The following RGS7 variants were observed in gnomAD, a reference collection of about 807,000 sequenced individuals.
The protein encoded by RGS7 is regulator of G protein signaling 7.
In RGS7, 27 loss-of-function variants were observed where a neutral mutation model predicts 81.1. That is an observed-to-expected ratio of 0.33 (90% CI 0.25 to 0.46). The LOEUF is 0.46. Ranked by LOEUF, RGS7 falls within the 20% of genes least tolerant of loss-of-function variation. The pLI is 1.00. For synonymous variants in RGS7, 208 were observed against 207.7 expected (o/e 1.00, Z -0.01); for missense variants, 396 against 607.4 (o/e 0.65, Z 3.66).
At chr1:241,330,139 C>T (rs912068110) in intron 2 of RGS7, among the ~76,000 whole-genome samples, 1 of 152,132 alleles carries the variant, frequency 6.6e-6, no homozygotes, top group Non-Finnish European at 1.5e-5. Context: ...CGGGGTTTCA[C>T]TGTGTTAGCC....
intron 9 of RGS7, among the ~76,000 whole-genome samples, chr1:240,828,738 G>C (rs1693294091): frequency 6.6e-6 from 1 of 152,214 alleles, no homozygotes; most frequent in Admixed American, 6.5e-5. Flanking sequence ...AGTGAGCCAA[G>C]ATTGCGCCAA....
At chr1:241,193,309 A>G (rs1459403161) in intron 2 of RGS7, among the ~76,000 whole-genome samples, 1 of 152,174 alleles carries the variant, frequency 6.6e-6, no homozygotes, top group East Asian at 1.9e-4. Context: ...ACTGCTCCTG[A>G]AGATGGTCTT....
intron 3 of RGS7, among the ~76,000 whole-genome samples, chr1:241,075,638 G>A (rs2062753674): frequency 6.6e-6 from 1 of 152,174 alleles, no homozygotes; most frequent in Non-Finnish European, 1.5e-5. Flanking sequence ...TTTTAAGAAA[G>A]TTTACAAATG....
intron 2 of RGS7, among the ~76,000 whole-genome samples, chr1:241,339,753 T>C (rs1228383183): frequency 6.6e-6 from 1 of 152,126 alleles, no homozygotes; most frequent in Non-Finnish European, 1.5e-5. Context: ...TTAAGAGCGC[T>C]TTCTGAATAT....
chr1:241,094,346 C>G (rs1226968570), intron 3 of RGS7, among the ~76,000 whole-genome samples: 1 of 152,010 alleles, frequency 6.6e-6, no homozygotes, highest in Non-Finnish European at 1.5e-5. Flanking sequence ...AGCTGTTAGT[C>G]AAATTCTATA....
intron 15 of RGS7, among the ~76,000 whole-genome samples, chr1:240,805,640 A>AT (rs965309988): frequency 2.4e-4 from 36 of 150,272 alleles, no homozygotes; most frequent in Non-Finnish European, 3.0e-4. Flanking sequence ...CTAATGTTTG[A>AT]TTTTTTTTTT....
intron 2 of RGS7, among the ~76,000 whole-genome samples, chr1:241,354,354 A>G (rs927715630): frequency 2.0e-5 from 3 of 152,218 alleles, no homozygotes; most frequent in African/African-American, 7.2e-5. Context: ...TTCCTGATTT[A>G]TGCAGTTGGA....
At chr1:241,115,541 C>A (rs1227262923) in intron 2 of RGS7, among the ~76,000 whole-genome samples, 2 of 152,128 alleles carry the variant, frequency 1.3e-5, no homozygotes. Context: ...GGGGAAGAAA[C>A]AATTGTCTCC....
intron 2 of RGS7, among the ~76,000 whole-genome samples, chr1:241,349,741 C>G (rs1043287157): frequency 1.3e-5 from 2 of 152,140 alleles, no homozygotes; most frequent in East Asian, 3.9e-4. Context: ...CCATATGCCT[C>G]CTTATCACTG....
At chr1:241,054,321 C>T (rs2061384051) in intron 3 of RGS7, among the ~76,000 whole-genome samples, 3 of 152,212 alleles carry the variant, frequency 2.0e-5, no homozygotes, top group Non-Finnish European at 4.4e-5. Context: ...ATGCAAATCT[C>T]ATAACACAGA....
Position 240,993,310 on chromosome 1 carries a change from T to C in RGS7, c.176-10181A>G, listed in dbSNP as rs543107639. ...GAGAGAGAAAGAAAGAGCCAAACTATTTTCCAGAGGGCCTGAGCCATTTTA... is the reference window on the plus strand; with the variant it reads ...GAGAGAGAAAGAAAGAGCCAAACTACTTTCCAGAGGGCCTGAGCCATTTTA... On this transcript the variant is annotated intron_variant, in intron 3 of 18. Coordinates refer to ENST00000440928, the MANE Select transcript of RGS7 (RefSeq NM_001364886.1). 1.2e-3 allele frequency among the ~76,000 whole-genome samples: 187 copies of C among 152,200 alleles called. 1 individual carries two copies. The highest frequency in any genetic ancestry group is 4.3e-3 in the African/African-American group (178 of 41,566).
intron 2 of RGS7, among the ~76,000 whole-genome samples, chr1:241,131,068 G>A (rs556529396): frequency 1.7e-4 from 26 of 152,000 alleles, no homozygotes; most frequent in Non-Finnish European, 2.6e-4. Flanking sequence ...GAAGAATGAC[G>A]TCTTTATGCC....
chr1:240,860,053 C>A (rs1452481037), intron 9 of RGS7, among the ~76,000 whole-genome samples: 2 of 152,106 alleles, frequency 1.3e-5, no homozygotes, highest in Non-Finnish European at 2.9e-5. Context: ...TCATTTTGGT[C>A]TGAGAACATA....
chr1:241,044,540 A>C (rs929280137), intron 3 of RGS7, among the ~76,000 whole-genome samples: 1 of 151,976 alleles, frequency 6.6e-6, no homozygotes, highest in African/African-American at 2.4e-5. Flanking sequence ...CTCCCATCTC[A>C]TCCTTTTGAG....
chr1:240,956,163 T>C (rs939469915), intron 4 of RGS7, among the ~76,000 whole-genome samples: 1 of 152,180 alleles, frequency 6.6e-6, no homozygotes, highest in Non-Finnish European at 1.5e-5. Context: ...TTTCACTTGA[T>C]GCACACACTC....
rs115413820 is a variant in RGS7 at position 241,340,924 on chromosome 1, C to T, written c.78+14775G>A. Among the ~76,000 whole-genome samples the T allele has an allele frequency of 3.3e-4, 50 of 152,200 alleles. 1 individual carries two copies. The highest frequency in any genetic ancestry group is 1.2e-3 in the African/African-American group (48 of 41,490). On this transcript the variant is annotated intron_variant, in intron 2 of 18. Coordinates refer to ENST00000440928, the MANE Select transcript of RGS7 (RefSeq NM_001364886.1). ...ACAAAAGGCAAAGAGGATATTTTAG[C>T]AGGGAGATAGAAATCCTCTTACAGG... is the stretch of plus-strand genomic sequence containing the variant.
chr1:240,835,864 A>G (rs1310788321), intron 9 of RGS7, among the ~76,000 whole-genome samples: 1 of 152,216 alleles, frequency 6.6e-6, no homozygotes, highest in East Asian at 1.9e-4. Context: ...TTCCAATCAT[A>G]TGACATTCTG....
chr1:241,195,780 A>G (rs186222479), intron 2 of RGS7, among the ~76,000 whole-genome samples: 2 of 152,196 alleles, frequency 1.3e-5, no homozygotes, highest in Admixed American at 6.5e-5. Flanking sequence ...GGTCAGAAAT[A>G]AATATTGAGA....
intron 18 of RGS7, among the ~76,000 whole-genome samples, chr1:240,782,026 A>AG (rs200942663): frequency 0.039 from 5,967 of 152,066 alleles, 121 homozygotes; most frequent in East Asian, 0.11. Context: ...AAAAAAAAAA[A>AG]AGAGATCTTA....
Sources: gnomAD v4.1 joint callset for allele counts (sites outside exome capture counted in the v4.1 genomes callset) on GRCh38, gnomAD v4.1.1 for gene constraint, MANE v1.5 for transcripts, NCBI Gene and HGNC (gene_info 2026-07-23, HGNC 2026-07-21) for gene names.